The following TBX20 variants were observed in gnomAD, a reference collection of about 807,000 sequenced individuals.
TBX20 encodes T-box transcription factor TBX20.
Under a neutral mutation model 42.9 loss-of-function variants are expected in TBX20, and 8 were observed. That is an observed-to-expected ratio of 0.19 (90% confidence interval 0.11 to 0.34). The LOEUF (loss-of-function observed/expected upper bound fraction) is 0.34. TBX20 is among the 10% of genes least tolerant of loss of function. The pLI, the probability that TBX20 is intolerant of heterozygous loss-of-function variation, is 1.00. For synonymous variants in TBX20, 198 were observed against 222.8 expected (o/e 0.89, Z 0.99); for missense variants, 411 against 566.0 (o/e 0.73, Z 2.78).
intron 5 of TBX20, among the ~76,000 whole-genome samples, chr7:35,235,228 A>T (rs2128713929): frequency 6.6e-6 from 1 of 151,788 alleles, no homozygotes; most frequent in East Asian, 1.9e-4. Flanking sequence ...AAAGACCAGT[A>T]GCTATATAGA....
At position 35,213,877 on chromosome 7, in the gene TBX20, CAAAAAAAAAAA is replaced by C. The variant is rs59548164; in HGVS notation, c.891-9306_891-9296del. Among the ~76,000 whole-genome samples, 490 of 59,796 alleles carry C rather than the reference CAAAAAAAAAAA, an allele frequency of 8.2e-3. 7 individuals are homozygous for C. Among genetic ancestry groups the C allele is most frequent in the African/African-American group, 0.031 (463 of 14,806 alleles). 39.2% of individuals were successfully genotyped at this position (59,796 alleles called of 152,430 possible). On this transcript the variant is annotated intron_variant, in intron 6 of 7. Coordinates refer to ENST00000408931, the MANE Select transcript of TBX20 (RefSeq NM_001077653.2). ...TATGAACAAGGAATTGCAGAGATAG[CAAAAAAAAAAA>C]AAAAAAAAAAAAATTCCCTGTCTAA...
At chr7:35,232,942 C>T (rs1789895154) in intron 5 of TBX20, among the ~76,000 whole-genome samples, 1 of 152,172 alleles carries the variant, frequency 6.6e-6, no homozygotes, top group South Asian at 2.1e-4. Flanking sequence ...ATCACCTGAA[C>T]CCGGGAGGCA....
chr7:35,229,514 G>T (rs1275695660), intron 6 of TBX20, among the ~76,000 whole-genome samples: 2 of 152,198 alleles, frequency 1.3e-5, no homozygotes, highest in Non-Finnish European at 2.9e-5. Context: ...ATGTAAGAGT[G>T]CTGTCTTTGC....
chr7:35,229,505 T>C (rs1210547226), intron 6 of TBX20, among the ~76,000 whole-genome samples: 1 of 152,224 alleles, frequency 6.6e-6, no homozygotes, highest in Non-Finnish European at 1.5e-5. Flanking sequence ...CAGCTAGTCA[T>C]GTAAGAGTGC....
At position 35,248,846 on chromosome 7, in the gene TBX20, CAGAG is replaced by C. The variant is rs147314121; in HGVS notation, c.381-9_381-6del. The C allele has an allele frequency of 2.1e-5, 31 of 1,504,896 alleles. No homozygotes were observed. Among genetic ancestry groups the C allele is most frequent in the Admixed American group, 8.8e-5 (5 of 57,070 alleles). The allele number at this position is 1,504,896 out of a possible 1,614,324, so 93.2% of individuals were successfully genotyped here. A position where few individuals can be genotyped will look rare whatever the true frequency, so the allele number is the denominator to read the frequency against. On this transcript the variant is annotated splice_region_variant and splice_polypyrimidine_tract_variant and intron_variant, in intron 2 of 7. Transcript: ENST00000408931. ...CGGATGGTTGGAAACATCCTCCTGACAGAGAGAGAGAGAGAGAATGGGCCCTGTT... is the reference window on the plus strand; with the variant it reads ...CGGATGGTTGGAAACATCCTCCTGACAGAGAGAGAGAGAATGGGCCCTGTT...
rs1171965369 is a variant in TBX20 at position 35,204,558 on chromosome 7, T to C, written c.915A>G (p.Gln305=). ...TGGGTGAGCGTGCATAGGAATGCTTTTGAATCAGGCTCTCCACACTTTCCC... is the reference window on the plus strand; with the variant it reads ...TGGGTGAGCGTGCATAGGAATGCTTCTGAATCAGGCTCTCCACACTTTCCC... ...IERESVESLI[Q]KHSYARSPIR... The change falls in exon 7 of 8, where the codon CAA becomes CAG. Residue 305 remains glutamine, a synonymous_variant. Coordinates refer to ENST00000408931, the MANE Select transcript of TBX20 (RefSeq NM_001077653.2). 1.9e-6 allele frequency: 3 copies of C among 1,613,900 alleles called. No individual in the cohort carries two copies.
intron 3 of TBX20, among the ~76,000 whole-genome samples, chr7:35,246,900 A>G (rs1253045359): frequency 6.6e-6 from 1 of 152,160 alleles, no homozygotes; most frequent in East Asian, 1.9e-4. Context: ...AAGCTGAACT[A>G]GGATTAATGA....
rs1790244699 is a variant in TBX20, at chr7:35,248,725, C to T, written c.497G>A (p.Arg166Gln). Residue 166 changes from arginine to glutamine, a missense_variant, in exon 3 of 8, where the codon CGG becomes CAG. Physicochemically the swap from Arg to Gln is conservative, Grantham distance 43. This residue lies in a region of TBX20 where 121 missense variants were observed against 165.9 expected (regional missense o/e 0.73). Coordinates refer to ENST00000408931, the MANE Select transcript of TBX20 (RefSeq NM_001077653.2). ...DNKRYRYAYH[R>Q]SSWLVAGKAD... ...CTTGCCAGCCACCAGCCAGGAGGAC[C>T]GGTGGTAGGCGTAGCGGTACCTCTT... 2.5e-6 allele frequency: 4 copies of T among 1,614,052 alleles called. No homozygotes were observed. Among genetic ancestry groups the T allele is most frequent in the African/African-American group, 1.3e-5 (1 of 74,930 alleles).
chr7:35,223,767 G>A (rs1789723344), intron 6 of TBX20, among the ~76,000 whole-genome samples: 1 of 152,162 alleles, frequency 6.6e-6, no homozygotes, highest in African/African-American at 2.4e-5. Context: ...AGACAGAAAG[G>A]AAGGAAAGAA....
At chr7:35,234,080 G>C (rs1312680679) in intron 5 of TBX20, among the ~76,000 whole-genome samples, 1 of 152,198 alleles carries the variant, frequency 6.6e-6, no homozygotes, top group Non-Finnish European at 1.5e-5. Flanking sequence ...AAACAGGCTT[G>C]CCAATGGATA....
rs1469518733 is a variant in TBX20, at chr7:35,245,021, C to T, written c.582G>A (p.Glu194=). Residue 194 remains glutamate (E), a synonymous_variant, in exon 4 of 8, where the codon GAG becomes GAA. Transcript: ENST00000408931. ...AAGACACCATCTGTTTGAGTAGTTGCTCACCGGTAAAAGGAGAATCTGGAT... is the reference window on the plus strand; with the variant it reads ...AAGACACCATCTGTTTGAGTAGTTGTTCACCGGTAAAAGGAGAATCTGGAT... ...YVHPDSPFTG[E]QLLKQMVSFE... is the part of the protein sequence containing the mutation. 5 of 1,613,620 alleles carry T rather than the reference C, an allele frequency of 3.1e-6. No homozygotes were observed. Among genetic ancestry groups the T allele is most frequent in the South Asian group, 1.1e-5 (1 of 91,056 alleles).
At chr7:35,244,786 T>C (rs1790148026) in intron 4 of TBX20, among the ~76,000 whole-genome samples, 163 bp downstream of exon 4, 1 of 152,112 alleles carries the variant, frequency 6.6e-6, no homozygotes, top group Admixed American at 6.5e-5. Context: ...ACAAAATCAG[T>C]CAAGGTCCCC....
chr7:35,204,031 T>G (rs1311468863), intron 7 of TBX20, among the ~76,000 whole-genome samples: 1 of 152,210 alleles, frequency 6.6e-6, no homozygotes, highest in Non-Finnish European at 1.5e-5. Context: ...AATCCTCTTT[T>G]AAAAGTGTTT....
At chr7:35,234,007 C>G (rs1789916104) in intron 5 of TBX20, among the ~76,000 whole-genome samples, 1 of 152,150 alleles carries the variant, frequency 6.6e-6, no homozygotes, top group Non-Finnish European at 1.5e-5. Context: ...CAAACTGAAA[C>G]TGTGAGGTGG....
intron 7 of TBX20, among the ~76,000 whole-genome samples, chr7:35,203,404 C>T (rs932477094): frequency 3.3e-5 from 5 of 152,002 alleles, no homozygotes; most frequent in Non-Finnish European, 1.5e-5. Flanking sequence ...CTACAACCTC[C>T]GAGACAGCAA....
intron 6 of TBX20, among the ~76,000 whole-genome samples, chr7:35,221,678 A>T (rs1789687030): frequency 6.6e-6 from 1 of 152,242 alleles, no homozygotes; most frequent in Non-Finnish European, 1.5e-5. Flanking sequence ...AAGAACTCAT[A>T]AAGAAGATGA....
intron 5 of TBX20, among the ~76,000 whole-genome samples, chr7:35,232,287 C>T (rs567801683): frequency 6.6e-6 from 1 of 152,186 alleles, no homozygotes; most frequent in South Asian, 2.1e-4. Flanking sequence ...ATTAAATGTC[C>T]ATGCTGTGGT....
intron 6 of TBX20, among the ~76,000 whole-genome samples, chr7:35,214,611 C>G (rs543044438): frequency 6.6e-6 from 1 of 152,202 alleles, no homozygotes; most frequent in South Asian, 2.1e-4. Flanking sequence ...ACCCCAGCAG[C>G]CTAAACAGCT....
chr7:35,243,409 T>C (rs551539842), intron 4 of TBX20, among the ~76,000 whole-genome samples: 1 of 152,194 alleles, frequency 6.6e-6, no homozygotes, highest in Non-Finnish European at 1.5e-5. Context: ...TTAGAGCTAT[T>C]ACTACCCAAC....
Sources: gnomAD v4.1 joint callset for allele counts (sites outside exome capture counted in the v4.1 genomes callset) on GRCh38, gnomAD v4.1.1 for gene constraint, gnomAD v4.1.1 regional missense constraint, MANE v1.5 for transcripts, NCBI Gene and HGNC (gene_info 2026-07-23, HGNC 2026-07-21) for gene names.